VRK2: variants seen among roughly 807,000 people sequenced by gnomAD.
VRK2 encodes serine/threonine-protein kinase VRK2.
A neutral mutation model predicts 57.6 loss-of-function variants in VRK2; 60 were observed. The ratio of observed to expected loss-of-function variants is 1.04; its 90% CI spans 0.85 to 1.29. The LOEUF is 1.29. Ranked by LOEUF, VRK2 falls within the 50% of genes most tolerant of loss-of-function variation. The probability of loss-of-function intolerance (pLI) is 0.00; values close to 1 mark genes in which losing one functional copy is unlikely to be tolerated. For synonymous variants in VRK2, 231 were observed against 199.2 expected (o/e 1.16, Z -1.35); for missense variants, 705 against 588.1 (o/e 1.20, Z -2.06).
chr2:57,985,232 T>C (rs1558526353), intron 1 of VRK2, among the ~76,000 whole-genome samples: 1 of 152,086 alleles, frequency 6.6e-6, no homozygotes, highest in Admixed American at 6.5e-5. Flanking sequence ...TAAAGGTTAA[T>C]GAAATTTTTG....
At chr2:58,096,439 G>A (rs576738834) in intron 7 of VRK2, among the ~76,000 whole-genome samples, 2 of 151,968 alleles carry the variant, frequency 1.3e-5, no homozygotes, top group Admixed American at 6.5e-5. Context: ...AAATTGGTTC[G>A]ATTCTTTATC....
chr2:58,156,327 T>C (rs761553342), intron 12 of VRK2, among the ~76,000 whole-genome samples: 34 of 152,300 alleles, frequency 2.2e-4, no homozygotes, highest in Non-Finnish European at 4.0e-4. Context: ...TTTTTGGTTT[T>C]GTAAGGATGG....
intron 12 of VRK2, among the ~76,000 whole-genome samples, chr2:58,152,631 A>G (rs1285258350): frequency 6.6e-6 from 1 of 151,880 alleles, no homozygotes; most frequent in African/African-American, 2.4e-5. Context: ...ATCATAGTAT[A>G]TATTTCCTGG....
intron 11 of VRK2, among the ~76,000 whole-genome samples, chr2:58,141,572 A>G (rs1018659775): frequency 6.6e-6 from 1 of 151,970 alleles, no homozygotes; most frequent in African/African-American, 2.4e-5. Context: ...ATCAGCCTGG[A>G]TGTATAGACA....
intron 1 of VRK2, among the ~76,000 whole-genome samples, chr2:57,980,939 A>G (rs1518395): frequency 0.69 from 105,419 of 151,998 alleles, 37,782 homozygotes; most frequent in African/African-American, 0.89. Flanking sequence ...CATATGAGAC[A>G]TGACTCTTGA....
intron 1 of VRK2, among the ~76,000 whole-genome samples, chr2:57,920,565 T>C (rs942021357): frequency 1.3e-4 from 20 of 152,132 alleles, no homozygotes; most frequent in African/African-American, 4.6e-4. Flanking sequence ...GTCATTTTCA[T>C]TCTCAACAAC....
At chr2:57,945,612 TA>T (rs200528947) in intron 1 of VRK2, among the ~76,000 whole-genome samples, 1 of 151,792 alleles carries the variant, frequency 6.6e-6, no homozygotes, top group African/African-American at 2.4e-5. Flanking sequence ...AATGAATATT[TA>T]AAAAAATGGC....
Position 57,910,045 on chromosome 2 carries a change from A to G in VRK2, c.-439+2206A>G, listed in dbSNP as rs971150073. On this transcript the variant is annotated intron_variant, in intron 1 of 15. Transcript: ENST00000417641. ...CTTTTATTCCAGATTAAAATGGTAA[A>G]TCACTTGTAATTAGCCTGATAGGTA... Among the ~76,000 whole-genome samples the G allele has an allele frequency of 2.3e-4, 35 of 152,228 alleles. 1 individual carries two copies. Among genetic ancestry groups the G allele is most frequent in the Admixed American group, 1.9e-3 (29 of 15,292 alleles).
At chr2:57,924,684 A>G (rs1670473721) in intron 1 of VRK2, among the ~76,000 whole-genome samples, 1 of 151,936 alleles carries the variant, frequency 6.6e-6, no homozygotes, top group African/African-American at 2.4e-5. Flanking sequence ...TCCCATTTAG[A>G]TGCCCTTTAC....
rs540517967 is a variant in VRK2 at position 58,068,337 on chromosome 2, G to A, written c.137-15752G>A. Among the ~76,000 whole-genome samples the A allele has an allele frequency of 3.3e-5, 5 of 152,164 alleles. No individual in the cohort carries two copies. In the South Asian group the frequency reaches 1.0e-3, roughly 31 times the overall value. ...TCTTTTCCAAAAGGTATTTTTGCTG[G>A]ATGTTGGATTGATAATTTTTTTCCC... On this transcript the variant is annotated intron_variant, in intron 2 of 12. Coordinates refer to ENST00000340157, the MANE Select transcript of VRK2 (RefSeq NM_006296.7).
intron 2 of VRK2, among the ~76,000 whole-genome samples, chr2:58,030,850 C>A (rs1196150107): frequency 6.6e-6 from 1 of 152,024 alleles, no homozygotes; most frequent in Non-Finnish European, 1.5e-5. Context: ...CAACTTCTGT[C>A]GTGTTCTTTG....
chr2:57,926,461 GTGTGTGTA>G (rs1241286526), intron 1 of VRK2, among the ~76,000 whole-genome samples: 6 of 89,946 alleles, frequency 6.7e-5, no homozygotes, highest in African/African-American at 2.6e-4. Flanking sequence ...GTGTGTGTGT[GTGTGTGTA>G]TAGTGTATAT....
intron 2 of VRK2, among the ~76,000 whole-genome samples, chr2:58,032,598 G>A (rs888931760): frequency 1.3e-5 from 2 of 149,414 alleles, no homozygotes; most frequent in Non-Finnish European, 3.0e-5. Flanking sequence ...TACCTCTCAA[G>A]AATTAAGTGT....
intron 8 of VRK2, among the ~76,000 whole-genome samples, 180 bp downstream of exon 8, chr2:58,123,413 A>G (rs1366694665): frequency 6.6e-6 from 1 of 152,232 alleles, no homozygotes; most frequent in Non-Finnish European, 1.5e-5. Flanking sequence ...AACAGTGGAA[A>G]GAAATTTAGA....
At chr2:58,081,155 C>G (rs1444937246) in intron 2 of VRK2, among the ~76,000 whole-genome samples, 3 of 151,970 alleles carry the variant, frequency 2.0e-5, no homozygotes, top group African/African-American at 7.2e-5. Flanking sequence ...TCTACATACA[C>G]AAGAATTTTT....
At chr2:57,951,530 T>C (rs1412142454) in intron 1 of VRK2, among the ~76,000 whole-genome samples, 1 of 152,200 alleles carries the variant, frequency 6.6e-6, no homozygotes, top group African/African-American at 2.4e-5. Context: ...GGTAAAATGC[T>C]ATCAAACTGC....
intron 7 of VRK2, among the ~76,000 whole-genome samples, chr2:58,100,945 A>G (rs536260505): frequency 2.6e-5 from 4 of 151,852 alleles, no homozygotes; most frequent in South Asian, 4.1e-4. Flanking sequence ...TAGTGTTCCT[A>G]TTGTCCAAAT....
chr2:58,046,886 G>T lies in VRK2; in HGVS notation c.-6+18G>T. ...GAGGCCCGGTCAGTCTCTTGCTCTG[G>T]GGTCTTGGGTGGCGGGCGGCACCTC... On this transcript the variant is annotated intron_variant, in intron 1 of 12. Coordinates refer to ENST00000340157, the MANE Select transcript of VRK2 (RefSeq NM_006296.7). 1.0e-6 allele frequency: 1 copy of T among 985,388 alleles called. No individual in the cohort carries two copies. Among genetic ancestry groups the T allele is most frequent in the Non-Finnish European group, 1.2e-6 (1 of 829,850 alleles). The allele number at this position is 985,388 out of a possible 1,614,324, so 61.0% of individuals were successfully genotyped here.
intron 12 of VRK2, among the ~76,000 whole-genome samples, chr2:58,152,152 T>TAA (rs774731356): frequency 1.1e-4 from 17 of 151,928 alleles, no homozygotes; most frequent in Non-Finnish European, 2.2e-4. Flanking sequence ...CACAATGGTA[T>TAA]AATCAGAATA....
Sources: gnomAD v4.1 joint callset for allele counts (sites outside exome capture counted in the v4.1 genomes callset) on GRCh38, gnomAD v4.1.1 for gene constraint, MANE v1.5 for transcripts, NCBI Gene and HGNC (gene_info 2026-07-23, HGNC 2026-07-21) for gene names.